CNTN4: variants seen among roughly 807,000 people sequenced by gnomAD.
The protein encoded by CNTN4 is contactin-4.
Under a neutral mutation model 122.5 loss-of-function variants are expected in CNTN4, and 77 were observed. The ratio of observed to expected loss-of-function variants is 0.63; its 90% CI spans 0.52 to 0.76. The LOEUF is 0.76. CNTN4 is among the 30% of genes least tolerant of loss of function. The probability of loss-of-function intolerance (pLI) is 0.00; values close to 1 mark genes in which losing one functional copy is unlikely to be tolerated. For synonymous variants in CNTN4, 512 were observed against 447.0 expected (o/e 1.15, Z -1.83); for missense variants, 1,256 against 1,259.1 (o/e 1.00, Z 0.04).
intron 3 of CNTN4, among the ~76,000 whole-genome samples, chr3:2,440,681 C>T (rs1340234889): frequency 6.6e-6 from 1 of 151,448 alleles, no homozygotes; most frequent in Non-Finnish European, 1.5e-5. Flanking sequence ...TATATATTCA[C>T]ACATATACGT....
At chr3:2,964,141 A>G (rs1692049435) in intron 13 of CNTN4, among the ~76,000 whole-genome samples, 1 of 152,180 alleles carries the variant, frequency 6.6e-6, no homozygotes, top group Non-Finnish European at 1.5e-5. Flanking sequence ...AGGGATATTT[A>G]TGTTCAGACC....
intron 13 of CNTN4, among the ~76,000 whole-genome samples, chr3:2,953,030 C>T (rs1301888654): frequency 2.6e-5 from 4 of 152,178 alleles, no homozygotes; most frequent in Admixed American, 1.3e-4. Flanking sequence ...CTAACTTAAT[C>T]GTAGACATAG....
chr3:2,288,192 T>A (rs988274112), intron 2 of CNTN4, among the ~76,000 whole-genome samples: 2 of 152,202 alleles, frequency 1.3e-5, no homozygotes, highest in African/African-American at 4.8e-5. Context: ...TGCCTGAGAC[T>A]AGGTAATTTA....
chr3:2,318,151 A>G (rs1257801775), intron 2 of CNTN4, among the ~76,000 whole-genome samples: 1 of 151,856 alleles, frequency 6.6e-6, no homozygotes, highest in Non-Finnish European at 1.5e-5. Context: ...TATTGAGGCC[A>G]CAGTGTGTGA....
chr3:2,916,969 G>A (rs1034982526), intron 12 of CNTN4, among the ~76,000 whole-genome samples: 6 of 135,934 alleles, frequency 4.4e-5, no homozygotes, highest in African/African-American at 1.6e-4. Context: ...GGTGGAGGTT[G>A]CAGCGAGCCG....
At chr3:2,766,681 C>T (rs1329595225) in intron 6 of CNTN4, among the ~76,000 whole-genome samples, 2 of 152,118 alleles carry the variant, frequency 1.3e-5, no homozygotes, top group Non-Finnish European at 2.9e-5. Flanking sequence ...CAAAATCTGA[C>T]AGATCACCAG....
intron 2 of CNTN4, among the ~76,000 whole-genome samples, chr3:2,202,531 G>A (rs2038147081): frequency 6.6e-6 from 1 of 152,150 alleles, no homozygotes; most frequent in South Asian, 2.1e-4. Context: ...TAATTACTGA[G>A]TCTAGGTGTT....
In CNTN4 at chr3:2,571,610, A is replaced by G. The variant is rs974665151; in HGVS notation, c.55+52A>G. ...ATTTAGAAATGCCACTGTATTTCAC[A>G]CTAATTCAAAAGTGGGCCTTCACTT... On this transcript the variant is annotated intron_variant, in intron 4 of 24. Coordinates refer to ENST00000418658, the MANE Select transcript of CNTN4 (RefSeq NM_175607.3). The G allele has an allele frequency of 3.0e-6, 4 of 1,345,556 alleles. No homozygotes were observed. In the African/African-American group the frequency reaches 4.3e-5, roughly 15 times the overall value. The allele number at this position is 1,345,556 out of a possible 1,614,324, so 83.4% of individuals were successfully genotyped here.
At chr3:2,387,982 T>C (rs1328095852) in intron 3 of CNTN4, among the ~76,000 whole-genome samples, 1 of 152,224 alleles carries the variant, frequency 6.6e-6, no homozygotes, top group African/African-American at 2.4e-5. Flanking sequence ...ATATTTTGGA[T>C]CCATTGTTTT....
chr3:2,871,771 T>G (rs1307421908), intron 8 of CNTN4, among the ~76,000 whole-genome samples: 1 of 152,172 alleles, frequency 6.6e-6, no homozygotes, highest in African/African-American at 2.4e-5. Context: ...GCTTCGTTTC[T>G]TTTGCTTTAT....
intron 23 of CNTN4, among the ~76,000 whole-genome samples, chr3:3,051,792 A>G (rs6776689): frequency 0.092 from 13,989 of 152,262 alleles, 769 homozygotes; most frequent in Admixed American, 0.11. Flanking sequence ...ACCATTCTAA[A>G]GGAATTTTAT....
At chr3:2,133,655 T>C (rs1048224445) in intron 2 of CNTN4, among the ~76,000 whole-genome samples, 5 of 152,228 alleles carry the variant, frequency 3.3e-5, no homozygotes, top group Admixed American at 2.0e-4. Context: ...ACTGATTTGC[T>C]GTAGAATTTT....
At chr3:2,926,954 T>A (rs1304137474) in intron 13 of CNTN4, among the ~76,000 whole-genome samples, 1 of 152,210 alleles carries the variant, frequency 6.6e-6, no homozygotes, top group African/African-American at 2.4e-5. Flanking sequence ...TATTTTGCAG[T>A]CATCAACATG....
chr3:2,781,751 G>C (rs1426641722), intron 6 of CNTN4, among the ~76,000 whole-genome samples: 1 of 121,282 alleles, frequency 8.2e-6, no homozygotes, highest in Non-Finnish European at 1.6e-5. Context: ...TTGAGACGGA[G>C]TGTCGCTCTG....
At chr3:2,979,024 CG>C (rs1693698227) in intron 13 of CNTN4, among the ~76,000 whole-genome samples, 1 of 152,148 alleles carries the variant, frequency 6.6e-6, no homozygotes, top group Admixed American at 6.5e-5. Context: ...GAACAGAAAA[CG>C]GGTACTTTTC....
intron 3 of CNTN4, among the ~76,000 whole-genome samples, chr3:2,361,666 TA>T (rs1330337724): frequency 3.9e-5 from 6 of 152,182 alleles, no homozygotes; most frequent in Middle Eastern, 3.2e-3. Flanking sequence ...TCTGCTGCTA[TA>T]AAAAAATTTT....
At chr3:2,221,858 T>G (rs1236658705) in intron 2 of CNTN4, among the ~76,000 whole-genome samples, 1 of 152,064 alleles carries the variant, frequency 6.6e-6, no homozygotes, top group East Asian at 1.9e-4. Flanking sequence ...CTGTTACAAT[T>G]ACTAGGATGG....
At position 2,598,403 on chromosome 3, in the gene CNTN4, G is replaced by GA. The variant is rs201354958; in HGVS notation, c.55+26851dup. ...GAAAATGCTTTAGAGAGTAAAGAGG[G>GA]AAAAAATCAAAGCAAACTCTCCCTC... On this transcript the variant is annotated intron_variant, in intron 4 of 24. Transcript: ENST00000418658. Among the ~76,000 whole-genome samples the GA allele has an allele frequency of 9.2e-3, 1,401 of 152,160 alleles. 28 individuals carry two copies. Among genetic ancestry groups the GA allele is most frequent in the African/African-American group, 0.032 (1,319 of 41,496 alleles).
chr3:2,808,430 G>GA (rs1260121077), intron 6 of CNTN4, among the ~76,000 whole-genome samples: 1 of 151,658 alleles, frequency 6.6e-6, no homozygotes, highest in Non-Finnish European at 1.5e-5. Flanking sequence ...TCATTGGGGA[G>GA]AAAAAAAGGC....
Sources: allele counts gnomAD v4.1 joint callset (sites outside exome capture counted in the v4.1 genomes callset), GRCh38; gene constraint gnomAD v4.1.1; transcripts MANE v1.5; gene names NCBI Gene and HGNC (gene_info 2026-07-23, HGNC 2026-07-21).